The following KCNQ1 variants were observed in gnomAD, a reference collection of about 807,000 sequenced individuals.
KCNQ1 encodes the protein potassium voltage-gated channel subfamily KQT member 1.
In KCNQ1, 49 loss-of-function variants were observed where a neutral mutation model predicts 72.4. The ratio of observed to expected loss-of-function variants is 0.68; its 90% CI spans 0.54 to 0.86. The LOEUF (loss-of-function observed/expected upper bound fraction) is 0.86, where lower values mean the gene tolerates loss of function less well. Ranked by LOEUF, KCNQ1 falls within the 40% of genes least tolerant of loss-of-function variation. The pLI is 0.00. For synonymous variants in KCNQ1, 450 were observed against 412.6 expected, an observed-to-expected ratio of 1.09 and a Z score of -1.10; for missense variants, 790 against 945.1, an observed-to-expected ratio of 0.84 and a Z score of 2.15.
rs1362554335 is a variant in KCNQ1 at position 2,682,570 on chromosome 11, G to A, written c.1514+20489G>A. Reference sequence around the variant, plus strand: ...CAGGGGTTCCATAAGGCTATGCTGGGGTTCAGGCAACCCAAGGCTGGTCTG... The same window carrying A: ...CAGGGGTTCCATAAGGCTATGCTGGAGTTCAGGCAACCCAAGGCTGGTCTG... On this transcript the variant is annotated intron_variant, in intron 11 of 15. Coordinates refer to ENST00000155840, the MANE Select transcript of KCNQ1 (RefSeq NM_000218.3). The surrounding 1 kb of genome is among the most constrained non-coding windows in gnomAD (Gnocchi z 5.8). The A allele has an allele frequency of 2.5e-6, 1 of 398,426 alleles. No individual in the cohort carries two copies. Among genetic ancestry groups the A allele is most frequent in the African/African-American group, 2.1e-5 (1 of 48,600 alleles). The allele number at this position is 398,426 out of a possible 1,614,324, so 24.7% of individuals were successfully genotyped here. A position where few individuals can be genotyped will look rare whatever the true frequency, so the allele number is the denominator to read the frequency against.
rs972040364 is a variant in KCNQ1 at position 2,809,511 on chromosome 11, G to A, written c.1794+31474G>A. Among the ~76,000 whole-genome samples the A allele has an allele frequency of 3.3e-5, 5 of 152,198 alleles. No homozygotes were observed. The highest frequency in any genetic ancestry group is 3.9e-4 in the East Asian group (2 of 5,182). On this transcript the variant is annotated intron_variant, in intron 15 of 15. Transcript: ENST00000155840. The surrounding 1 kb of genome is among the most constrained non-coding windows in gnomAD (Gnocchi z 7.1). ...GGGCTCTGCTTCCCTCTGTTTGTTC[G>A]TCTTGGTGCTGTGTATGAAGGTGGC...
intron 12 of KCNQ1, among the ~76,000 whole-genome samples, chr11:2,774,988 A>G (rs1354361623): frequency 6.6e-6 from 1 of 152,062 alleles, no homozygotes; most frequent in Non-Finnish European, 1.5e-5. Context: ...ATTCCCCAGC[A>G]AAAGGCAGGA....
At chr11:2,708,791 G>C (rs1430306131) in intron 11 of KCNQ1, among the ~76,000 whole-genome samples, 1 of 152,132 alleles carries the variant, frequency 6.6e-6, no homozygotes, top group African/African-American at 2.4e-5. Context: ...CTTGGGACAT[G>C]TCAATAGCAG....
chr11:2,786,315 G>C (rs1219801898), intron 15 of KCNQ1, among the ~76,000 whole-genome samples: 1 of 152,084 alleles, frequency 6.6e-6, no homozygotes. Flanking sequence ...ATGATGAATT[G>C]TTGCTCCTTG....
intron 10 of KCNQ1, chr11:2,639,360 T>C (rs1401054425): frequency 6.6e-6 from 1 of 152,226 alleles, no homozygotes; most frequent in African/African-American, 2.4e-5. Flanking sequence ...CCTTTGGTCT[T>C]TGATGATGGT....
chr11:2,506,723 G>A (rs1470142497), intron 1 of KCNQ1, among the ~76,000 whole-genome samples: 2 of 152,324 alleles, frequency 1.3e-5, no homozygotes, highest in South Asian at 2.1e-4. Context: ...AGCAATGCAT[G>A]AGCATACCGG....
rs1846443441 is a variant in KCNQ1 at position 2,471,015 on chromosome 11, G to A, written c.386+25531G>A. The stretch of plus-strand genomic sequence containing the variant: ...TTTGAGTTAATGTCTGACCAGCTGG[G>A]AGGTGTCGGTGGAGGCTCCCTTTCT... On this transcript the variant is annotated intron_variant, in intron 1 of 15. Transcript: ENST00000155840. This position sits in a 1 kb window ranked among gnomAD's most constrained non-coding sequence, Gnocchi z 4.8. Among the ~76,000 whole-genome samples the A allele has an allele frequency of 1.3e-5, 2 of 152,098 alleles. No homozygotes were observed. Among genetic ancestry groups the A allele is most frequent in the Admixed American group, 1.3e-4 (2 of 15,272 alleles).
At chr11:2,756,927 T>A (rs1846308738) in intron 11 of KCNQ1, among the ~76,000 whole-genome samples, 1 of 130,662 alleles carries the variant, frequency 7.7e-6, no homozygotes, top group African/African-American at 2.9e-5. Context: ...TTATGGAACT[T>A]TCCCAACTTG....
At position 2,451,863 on chromosome 11, in the gene KCNQ1, A is replaced by ACCCAGAAGCCCTTAGGATG. The variant is rs1333404161; in HGVS notation, c.386+6400_386+6418dup. Among the ~76,000 whole-genome samples the ACCCAGAAGCCCTTAGGATG allele has an allele frequency of 2.0e-5, 3 of 152,144 alleles. No homozygotes were observed. Among genetic ancestry groups the ACCCAGAAGCCCTTAGGATG allele is most frequent in the South Asian group, 2.1e-4 (1 of 4,836 alleles). ...GCCACACCCAGAAAGCCCTCAGGAC[A>ACCCAGAAGCCCTTAGGATG]CCCAGAAGCCCTTAGGATGCCCAGA... On this transcript the variant is annotated intron_variant, in intron 1 of 15. Transcript: ENST00000155840. This position sits in a 1 kb window ranked among gnomAD's most constrained non-coding sequence, Gnocchi z 6.4.
Position 2,830,026 on chromosome 11 carries a change from GA to G in KCNQ1, c.1795-17739del, listed in dbSNP as rs559024611. ...AGGAGGAAGGAGGAGGAAGGAGGAG[GA>G]AGGAGGAGGGAGGAGGAAGGAGGAG... On this transcript the variant is annotated intron_variant, in intron 15 of 15. Coordinates refer to ENST00000155840, the MANE Select transcript of KCNQ1 (RefSeq NM_000218.3). The surrounding 1 kb of genome is among the most constrained non-coding windows in gnomAD (Gnocchi z 7.7). Among the ~76,000 whole-genome samples, 1 of 107,114 alleles carries G rather than the reference GA, an allele frequency of 9.3e-6. No individual in the cohort carries two copies. The highest frequency in any genetic ancestry group is 3.2e-5 in the African/African-American group (1 of 31,416). The allele number at this position is 107,114 out of a possible 152,430, so 70.3% of individuals were successfully genotyped here. A position where few individuals can be genotyped will look rare whatever the true frequency, so the allele number is the denominator to read the frequency against.
Position 2,777,023 on chromosome 11 carries a change from T to G in KCNQ1, c.1723T>G (p.Ser575Ala). The G allele has an allele frequency of 6.2e-7, 1 of 1,614,122 alleles. No individual in the cohort carries two copies. The highest frequency in any genetic ancestry group is 8.5e-7 in the Non-Finnish European group (1 of 1,179,980). The change falls in exon 14 of 16, where the codon TCC becomes GCC. Residue 575 changes from serine to alanine, a missense_variant. This residue lies in a region of KCNQ1 where 91 missense variants were observed against 139.1 expected (regional missense o/e 0.65). Transcript: ENST00000155840. ...QSIGKPSLFI[S>A]VSEKSKDRGS... ...CATTGGGAAGCCCTCACTGTTCATC[T>G]CCGTCTCAGGTGGGTTTCTGTGTCA...
chr11:2,664,595 A>AC lies in KCNQ1; in HGVS notation c.1514+2516dup, dbSNP rs773625673. 2.3e-5 allele frequency: 9 copies of AC among 398,422 alleles called. No homozygotes were observed. The highest frequency in any genetic ancestry group is 4.0e-5 in the Non-Finnish European group (9 of 226,102). 24.7% of individuals were successfully genotyped at this position (398,422 alleles called of 1,614,324 possible). The stretch of plus-strand genomic sequence containing the variant: ...GCCCGCATTGGGGCTGCATTCCTCC[A>AC]CCTCCTGCACAGCCCGCCCAGTGAT... On this transcript the variant is annotated intron_variant, in intron 11 of 15. Coordinates refer to ENST00000155840, the MANE Select transcript of KCNQ1 (RefSeq NM_000218.3). The surrounding 1 kb of genome is among the most constrained non-coding windows in gnomAD (Gnocchi z 5.1).
At chr11:2,689,698 C>T in intron 11 of KCNQ1, 1 of 398,710 alleles carries the variant, frequency 2.5e-6, no homozygotes, top group Admixed American at 4.4e-5. Context: ...GCAGGGGCAG[C>T]TGTCCTTTGC....
chr11:2,650,210 T>C (rs1203703648), intron 10 of KCNQ1: 5 of 398,444 alleles, frequency 1.3e-5, no homozygotes, highest in Non-Finnish European at 2.2e-5. Flanking sequence ...ATGTTTGTAT[T>C]GTCTATTTGT....
chr11:2,604,557 T>G (rs1272609116), intron 10 of KCNQ1, among the ~76,000 whole-genome samples: 1 of 151,870 alleles, frequency 6.6e-6, no homozygotes, highest in Non-Finnish European at 1.5e-5. Context: ...ATCACTATCT[T>G]TTTTTTGAGA....
chr11:2,583,478 C>A lies in KCNQ1; in HGVS notation c.965C>A (p.Thr322Lys), dbSNP rs199472755. 2 of 1,614,018 alleles carry A rather than the reference C, an allele frequency of 1.2e-6. No homozygotes were observed. Among genetic ancestry groups the A allele is most frequent in the Non-Finnish European group, 1.7e-6 (2 of 1,179,952 alleles). Reference sequence around the variant, plus strand: ...GGCTATGGGGACAAGGTGCCCCAGACGTGGGTCGGGAAGACCATCGCCTCC... The same window carrying A: ...GGCTATGGGGACAAGGTGCCCCAGAAGTGGGTCGGGAAGACCATCGCCTCC... ...TIGYGDKVPQTWVGKTIASCF... is the reference protein window; with the variant it reads ...TIGYGDKVPQKWVGKTIASCF... Residue 322 changes from threonine to lysine, a missense_variant, in exon 7 of 16, where the codon ACG becomes AAG. Physicochemically the swap from Thr to Lys is moderately conservative, Grantham distance 78. Transcript: ENST00000155840.
rs926770840 is a variant in KCNQ1 at position 2,682,041 on chromosome 11, T to C, written c.1514+19960T>C. The C allele has an allele frequency of 7.5e-6, 3 of 398,498 alleles. No homozygotes were observed. Among genetic ancestry groups the C allele is most frequent in the Non-Finnish European group, 1.3e-5 (3 of 226,058 alleles). The allele number at this position is 398,498 out of a possible 1,614,324, so 24.7% of individuals were successfully genotyped here. ...AACACAAGAATATTATCACTCCTGT[T>C]TTATAGATAATCTCCTAAGGGTTGA... On this transcript the variant is annotated intron_variant, in intron 11 of 15. Transcript: ENST00000155840. This position sits in a 1 kb window ranked among gnomAD's most constrained non-coding sequence, Gnocchi z 5.8.
chr11:2,662,699 G>T, intron 11 of KCNQ1: 1 of 402,626 alleles, frequency 2.5e-6, no homozygotes, highest in Non-Finnish European at 4.4e-6. Flanking sequence ...TGACAGCCGT[G>T]CAGCGGGGTC....
rs1407256748 is a variant in KCNQ1 at position 2,678,887 on chromosome 11, C to A, written c.1514+16806C>A. 2.5e-6 allele frequency: 1 copy of A among 398,446 alleles called. No homozygotes were observed. Among genetic ancestry groups the A allele is most frequent in the Non-Finnish European group, 4.4e-6 (1 of 226,072 alleles). 24.7% of individuals were successfully genotyped at this position (398,446 alleles called of 1,614,324 possible). ...GGAGTTGCCAGCTGGACCCAAGGAC[C>A]ATTTCGTATACATGTATGATCATAC... On this transcript the variant is annotated intron_variant, in intron 11 of 15. Transcript: ENST00000155840. The surrounding 1 kb of genome is among the most constrained non-coding windows in gnomAD (Gnocchi z 4.9).
Sources: gnomAD v4.1 joint callset for allele counts (sites outside exome capture counted in the v4.1 genomes callset) on GRCh38, gnomAD v4.1.1 for gene constraint, gnomAD v4.1.1 regional missense constraint, Gnocchi (gnomAD v3.1) non-coding constraint, MANE v1.5 for transcripts, NCBI Gene and HGNC (gene_info 2026-07-23, HGNC 2026-07-21) for gene names.